Variants in ACSM6 observed in about 807,000 individuals in gnomAD.
ACSM6 encodes the protein acyl-coenzyme A synthetase ACSM6, mitochondrial.
A neutral mutation model predicts 51.1 loss-of-function variants in ACSM6; 35 were observed. The ratio of observed to expected loss-of-function variants is 0.69; its 90% CI spans 0.52 to 0.91. The LOEUF (loss-of-function observed/expected upper bound fraction) is 0.91, where lower values mean the gene tolerates loss of function less well. Among genes scored for constraint, ACSM6 ranks in the 40% least tolerant of loss-of-function variants. ACSM6 has a pLI of 0.00. For synonymous variants in ACSM6, 172 were observed against 207.3 expected, an observed-to-expected ratio of 0.83 and a Z score of 1.46; for missense variants, 509 against 584.1, an observed-to-expected ratio of 0.87 and a Z score of 1.32.
intron 2 of ACSM6, among the ~76,000 whole-genome samples, chr10:95,200,555 GA>G (rs544541677): frequency 0.022 from 2,278 of 105,820 alleles, 23 homozygotes; most frequent in Non-Finnish European, 0.034. Flanking sequence ...AAAAGAAGAA[GA>G]AAGAAGAGGA....
chr10:95,220,074 C>A, intron 9 of ACSM6, 103 bp downstream of exon 9: 1 of 840,296 alleles, frequency 1.2e-6, no homozygotes, highest in Non-Finnish European at 1.9e-6. Flanking sequence ...GAAAGTCCAC[C>A]ATTCTCTAAA....
chr10:95,198,000 A>G (rs202205561), intron 2 of ACSM6, among the ~76,000 whole-genome samples: 2 of 151,814 alleles, frequency 1.3e-5, no homozygotes, highest in East Asian at 1.9e-4. Context: ...GTCCTGCACA[A>G]CCCTAGATCC....
At position 95,214,814 on chromosome 10, in the gene ACSM6, T is replaced by C. The variant is rs772950084; in HGVS notation, c.996-38T>C. On this transcript the variant is annotated intron_variant, in intron 7 of 10. Transcript: ENST00000341686. ...AACAGACCTGTTATTGGTAGAAATA[T>C]TCCCTGAGGCTAAGAACAACTTTTG... 1.9e-6 allele frequency: 3 copies of C among 1,545,276 alleles called. No homozygotes were observed. The South Asian group carries it at 3.6e-5, about 19-fold the overall frequency.
chr10:95,227,954 C>T lies in ACSM6; in HGVS notation c.1303-690C>T, dbSNP rs7087447. On this transcript the variant is annotated intron_variant, in intron 10 of 10. Transcript: ENST00000341686. ...GGCTTGGTGATCGGCGCCTGTAATC[C>T]CAGCTACTGGGGAGGCTGAGACACG... Among the ~76,000 whole-genome samples, 1,216 of 152,172 alleles carry T rather than the reference C, an allele frequency of 8.0e-3. 23 individuals carry two copies. Among genetic ancestry groups the T allele is most frequent in the African/African-American group, 0.028 (1,163 of 41,498 alleles).
chr10:95,220,238 C>T (rs1011103426), intron 9 of ACSM6, among the ~76,000 whole-genome samples: 24 of 151,684 alleles, frequency 1.6e-4, no homozygotes, highest in African/African-American at 5.3e-4. Context: ...ATGGAGAAAT[C>T]GAATAAAAAA....
Position 95,202,253 on chromosome 10 carries a change from TTA to T in ACSM6, c.403+60_403+61del, listed in dbSNP as rs1024012040. Reference sequence around the variant, plus strand: ...AGGCTTATGTGAATCCCAGCCTCAGTTATTCACAGAATGGAGATGTTAGAGGG... The same window carrying T: ...AGGCTTATGTGAATCCCAGCCTCAGTTTCACAGAATGGAGATGTTAGAGGG... On this transcript the variant is annotated intron_variant, in intron 3 of 10. Coordinates refer to ENST00000341686, the Ensembl canonical transcript of ACSM6. The T allele has an allele frequency of 1.2e-5, 16 of 1,363,870 alleles. No homozygotes were observed. In the African/African-American group the frequency reaches 2.3e-4, roughly 20 times the overall value. The allele number at this position is 1,363,870 out of a possible 1,614,324, so 84.5% of individuals were successfully genotyped here.
intron 7 of ACSM6, among the ~76,000 whole-genome samples, chr10:95,213,183 A>C (rs1305646563): frequency 1.3e-5 from 2 of 152,214 alleles, no homozygotes; most frequent in African/African-American, 4.8e-5. Flanking sequence ...TTGTTAAAAA[A>C]TTTATAATTA....
At chr10:95,206,011 T>C (rs2034835997) in intron 3 of ACSM6, among the ~76,000 whole-genome samples, 1 of 152,222 alleles carries the variant, frequency 6.6e-6, no homozygotes, top group African/African-American at 2.4e-5. Context: ...GTTTTGGAGA[T>C]ATAATTTATA....
intron 2 of ACSM6, among the ~76,000 whole-genome samples, chr10:95,196,632 T>C (rs563482316): frequency 6.6e-6 from 1 of 152,236 alleles, no homozygotes; most frequent in South Asian, 2.1e-4. Context: ...ATTCTATATA[T>C]AACTATTTGT....
At chr10:95,226,928 T>C (rs2035045078) in intron 10 of ACSM6, among the ~76,000 whole-genome samples, 1 of 152,192 alleles carries the variant, frequency 6.6e-6, no homozygotes, top group Non-Finnish European at 1.5e-5. Context: ...CTCTATCAGC[T>C]TTTGTGAAGC....
intron 10 of ACSM6, chr10:95,226,547 A>G (rs1221820313): frequency 6.6e-6 from 1 of 152,294 alleles, no homozygotes; most frequent in African/African-American, 2.4e-5. Context: ...ACTGTGCTCC[A>G]GCCTGGGCAA....
chr10:95,210,147 G>C (rs1564588877), intron 4 of ACSM6, among the ~76,000 whole-genome samples: 1 of 152,150 alleles, frequency 6.6e-6, no homozygotes, highest in South Asian at 2.1e-4. Context: ...TATTTATCTT[G>C]ACTACTGAAT....
chr10:95,225,071 AGTGG>A (rs1298046859), intron 9 of ACSM6, among the ~76,000 whole-genome samples: 1 of 152,234 alleles, frequency 6.6e-6, no homozygotes, highest in African/African-American at 2.4e-5. Flanking sequence ...AAGGTGTCAG[AGTGG>A]ACATGCAAAC....
Position 95,219,958 on chromosome 10 carries a change from C to T in ACSM6, c.1187C>T (p.Pro396Leu). Residue 396 changes from proline to leucine, a missense_variant, in exon 9 of 11, where the codon CCT becomes CTT. Pro to Leu is a moderately conservative substitution (Grantham distance 98). Transcript: ENST00000341686. The stretch of plus-strand genomic sequence containing the variant: ...AGCTCTCTGGGGAAGCCATTGCCAC[C>T]TTATATTGTCCAGGTAGGAGATCAT... The T allele has an allele frequency of 1.9e-6, 3 of 1,611,140 alleles. No homozygotes were observed. The South Asian group carries it at 3.3e-5, about 18-fold the overall frequency.
chr10:95,212,806 T>G, intron 6 of ACSM6, 52 bp from the exon 7 acceptor site: 1 of 1,418,386 alleles, frequency 7.1e-7, no homozygotes, highest in Non-Finnish European at 1.0e-6. Context: ...ACAGTCTCAC[T>G]GTCTCTCCCA....
intron 2 of ACSM6, among the ~76,000 whole-genome samples, chr10:95,195,915 T>C (rs2034720783): frequency 6.6e-6 from 1 of 152,038 alleles, no homozygotes; most frequent in African/African-American, 2.4e-5. Flanking sequence ...TTGTGAAAGC[T>C]CCTTGAAAAG....
chr10:95,208,112 G>A (rs752867117), intron 4 of ACSM6, among the ~76,000 whole-genome samples: 46 of 151,996 alleles, frequency 3.0e-4, no homozygotes, highest in Middle Eastern at 6.8e-3. Flanking sequence ...CTGCACTCCA[G>A]CCTGGGGGAC....
intron 10 of ACSM6, 40 bp from the exon 11 acceptor site, chr10:95,228,604 G>C: frequency 6.5e-7 from 1 of 1,538,182 alleles, no homozygotes; most frequent in South Asian, 1.2e-5. Context: ...GATTGTGAGA[G>C]GGAAGTAAAT....
rs1187875607 is a variant in ACSM6 at position 95,225,434 on chromosome 10, A to G, written c.1302+43A>G. The stretch of plus-strand genomic sequence containing the variant: ...TTTCCTAAATACTTTCATTGTTGCT[A>G]CTAATCGTAGTGCCATTATTGTTGA... On this transcript the variant is annotated intron_variant, in intron 10 of 10. Coordinates refer to ENST00000341686, the Ensembl canonical transcript of ACSM6. 4.6e-6 allele frequency: 6 copies of G among 1,294,434 alleles called. No individual in the cohort carries two copies. The South Asian group carries it at 8.2e-5, about 18-fold the overall frequency. 80.2% of individuals were successfully genotyped at this position (1,294,434 alleles called of 1,614,324 possible). A position where few individuals can be genotyped will look rare whatever the true frequency, so the allele number is the denominator to read the frequency against.
Sources: gnomAD v4.1 joint callset for allele counts (sites outside exome capture counted in the v4.1 genomes callset) on GRCh38, gnomAD v4.1.1 for gene constraint, MANE v1.5 for transcripts, NCBI Gene and HGNC (gene_info 2026-07-23, HGNC 2026-07-21) for gene names.